Variants in PRUNE2 observed in about 807,000 individuals in gnomAD.
PRUNE2 encodes the protein protein prune homolog 2.
In PRUNE2, 164 loss-of-function variants were observed where a neutral mutation model predicts 252.0. That is an observed-to-expected ratio of 0.65 (90% CI 0.57 to 0.74). The LOEUF is 0.74. Ranked by LOEUF, PRUNE2 falls within the 30% of genes least tolerant of loss-of-function variation. PRUNE2 has a pLI of 0.00. For missense variants in PRUNE2, 3,495 were observed against 3,711.0 expected (o/e 0.94, Z 1.51); for synonymous variants, 1,292 against 1,350.2 (o/e 0.96, Z 0.94).
intron 11 of PRUNE2, among the ~76,000 whole-genome samples, chr9:76,646,089 G>C (rs1334084683): frequency 6.6e-6 from 1 of 152,148 alleles, no homozygotes; most frequent in Non-Finnish European, 1.5e-5. Context: ...ATTGTACCTT[G>C]AATGTGTGAT....
At chr9:76,852,426 T>G (rs952875617) in intron 2 of PRUNE2, among the ~76,000 whole-genome samples, 2 of 152,212 alleles carry the variant, frequency 1.3e-5, no homozygotes, top group Non-Finnish European at 2.9e-5. Context: ...AGAACTAGGT[T>G]CCAGCCCCAG....
intron 9 of PRUNE2, among the ~76,000 whole-genome samples, chr9:76,660,684 A>C (rs977628530): frequency 4.7e-5 from 7 of 150,340 alleles, no homozygotes; most frequent in African/African-American, 1.7e-4. Flanking sequence ...TGGGAGGCTG[A>C]GGCAGAAGAA....
intron 6 of PRUNE2, among the ~76,000 whole-genome samples, chr9:76,772,267 T>C (rs1231823930): frequency 2.0e-5 from 3 of 152,216 alleles, no homozygotes; most frequent in East Asian, 1.9e-4. Context: ...TCTTAGCTAC[T>C]GGTATGGTGT....
In PRUNE2 at chr9:76,703,366, C is replaced by A; in HGVS notation, c.8247G>T (p.Glu2749Asp). The A allele has an allele frequency of 6.2e-7, 1 of 1,602,708 alleles. No individual in the cohort carries two copies. Among genetic ancestry groups the A allele is most frequent in the Non-Finnish European group, 8.5e-7 (1 of 1,174,108 alleles). Residue 2749 changes from glutamate (E) to aspartate (D), a missense_variant, in exon 9 of 19, where the codon GAG (glutamate) becomes GAT (aspartate). Transcript: ENST00000376718. Reference sequence around the variant, plus strand: ...TTGGTCTTGATATCCTGGTTCCGAGCTCAAGGAACTCTGTCTCCTCCTCCA... The same window carrying A: ...TTGGTCTTGATATCCTGGTTCCGAGATCAAGGAACTCTGTCTCCTCCTCCA... ...TEMEEETEFL[E>D]LGTRISRPNG...
At chr9:76,884,695 T>C (rs2061986821) in intron 1 of PRUNE2, among the ~76,000 whole-genome samples, 1 of 152,238 alleles carries the variant, frequency 6.6e-6, no homozygotes, top group Admixed American at 6.5e-5. Flanking sequence ...TGAACGGCAT[T>C]ACTAGTTTTA....
chr9:76,716,078 A>G (rs114822126), intron 6 of PRUNE2, among the ~76,000 whole-genome samples: 108 of 151,542 alleles, frequency 7.1e-4, no homozygotes, highest in African/African-American at 2.6e-3. Context: ...AATTCTCACT[A>G]CACTCCTGGC....
chr9:76,678,086 T>C (rs1328390756), intron 9 of PRUNE2, among the ~76,000 whole-genome samples: 1 of 152,042 alleles, frequency 6.6e-6, no homozygotes. Context: ...TCTCTGGGGA[T>C]TGGCCGGGCT....
intron 9 of PRUNE2, among the ~76,000 whole-genome samples, chr9:76,684,016 A>G (rs1484288093): frequency 6.6e-6 from 1 of 151,914 alleles, no homozygotes. Flanking sequence ...ATGTTTTGAC[A>G]TATATTTACA....
At chr9:76,662,538 T>C (rs150825808) in intron 9 of PRUNE2, among the ~76,000 whole-genome samples, 3 of 152,352 alleles carry the variant, frequency 2.0e-5, no homozygotes. Flanking sequence ...TGTTGTAGGA[T>C]TAGCTTTGCC....
At chr9:76,692,480 G>T in intron 9 of PRUNE2, 1 of 261,316 alleles carries the variant, frequency 3.8e-6, no homozygotes, top group Non-Finnish European at 7.3e-6. Context: ...AAAAAATCCT[G>T]TAGTTTCACA....
intron 3 of PRUNE2, among the ~76,000 whole-genome samples, chr9:76,847,067 C>G (rs2059705309): frequency 6.6e-6 from 1 of 152,168 alleles, no homozygotes; most frequent in African/African-American, 2.4e-5. Context: ...TGGCTCACAA[C>G]TGTAATCTCA....
intron 6 of PRUNE2, among the ~76,000 whole-genome samples, chr9:76,722,121 T>C (rs1181063072): frequency 6.6e-6 from 1 of 151,722 alleles, no homozygotes; most frequent in African/African-American, 2.4e-5. Flanking sequence ...TGCAGTGGTG[T>C]GATCTCGGCT....
chr9:76,621,183 C>G (rs1832164759), intron 17 of PRUNE2, among the ~76,000 whole-genome samples: 2 of 152,090 alleles, frequency 1.3e-5, no homozygotes, highest in African/African-American at 4.8e-5. Flanking sequence ...TAGACCTAGC[C>G]TGAAGCTTTC....
chr9:76,873,266 G>A (rs2061317639), intron 1 of PRUNE2, among the ~76,000 whole-genome samples: 1 of 152,122 alleles, frequency 6.6e-6, no homozygotes, highest in Non-Finnish European at 1.5e-5. Context: ...CTAAGTCATA[G>A]GTCCACTGAG....
intron 6 of PRUNE2, among the ~76,000 whole-genome samples, chr9:76,806,548 C>G (rs2056952151): frequency 6.7e-6 from 1 of 149,952 alleles, no homozygotes; most frequent in African/African-American, 2.5e-5. Context: ...CGCCCTGTCG[C>G]CCAGGCTGGA....
At chr9:76,796,761 A>G (rs999435324) in intron 6 of PRUNE2, among the ~76,000 whole-genome samples, 16 of 152,178 alleles carry the variant, frequency 1.1e-4, no homozygotes, top group African/African-American at 3.9e-4. Flanking sequence ...GACCGGGTAA[A>G]GCTGACCACT....
intron 6 of PRUNE2, among the ~76,000 whole-genome samples, chr9:76,781,940 C>T (rs997775224): frequency 3.3e-5 from 5 of 152,204 alleles, no homozygotes; most frequent in South Asian, 2.1e-4. Context: ...CCTGGCCGGG[C>T]GCGGTGGCTC....
intron 6 of PRUNE2, chr9:76,739,578 T>C (rs2049391554): frequency 6.6e-6 from 1 of 152,072 alleles, no homozygotes; most frequent in African/African-American, 2.4e-5. Flanking sequence ...ATGGTGCTTA[T>C]AATGTATACT....
At chr9:76,809,601 C>G (rs2057220142) in intron 6 of PRUNE2, among the ~76,000 whole-genome samples, 1 of 152,124 alleles carries the variant, frequency 6.6e-6, no homozygotes, top group Admixed American at 6.6e-5. Context: ...GAGGCTAAGG[C>G]AGGAGAATCA....
Sources: gnomAD v4.1 joint callset for allele counts (sites outside exome capture counted in the v4.1 genomes callset) on GRCh38, gnomAD v4.1.1 for gene constraint, MANE v1.5 for transcripts, NCBI Gene and HGNC (gene_info 2026-07-23, HGNC 2026-07-21) for gene names.